COL5A2: variants seen among roughly 807,000 people sequenced by gnomAD.
The protein encoded by COL5A2 is collagen alpha-2(V) chain.
Under a neutral mutation model 208.2 loss-of-function variants are expected in COL5A2, and 23 were observed. That is an observed-to-expected ratio of 0.11 (90% confidence interval 0.08 to 0.16). The LOEUF (loss-of-function observed/expected upper bound fraction) is 0.16, where lower values mean the gene tolerates loss of function less well. COL5A2 is among the 10% of genes least tolerant of loss of function. The pLI is 1.00. For missense variants in COL5A2, 1,590 were observed against 1,956.4 expected (o/e 0.81, Z 3.53); for synonymous variants, 625 against 628.5 (o/e 0.99, Z 0.08).
At chr2:189,282,981 A>G in the COL5A2 span, among the ~76,000 whole-genome samples, 1 of 152,172 alleles carries the variant, frequency 6.6e-6, no homozygotes, top group Non-Finnish European at 1.5e-5. Context: ...AAAGACTACT[A>G]TTATACCCCG....
the COL5A2 span, among the ~76,000 whole-genome samples, chr2:189,420,876 T>C: frequency 2.0e-5 from 3 of 152,278 alleles, no homozygotes; most frequent in South Asian, 6.2e-4. Flanking sequence ...ACATTTCTGT[T>C]TCTTACAACC....
At chr2:189,210,901 C>T (rs551786545) in intron 1 of COL5A2, among the ~76,000 whole-genome samples, 12 of 152,286 alleles carry the variant, frequency 7.9e-5, no homozygotes, top group Admixed American at 2.0e-4. Flanking sequence ...GCCAAGTAAT[C>T]TGCAAACAAT....
chr2:189,039,330 T>G lies in COL5A2; in HGVS notation c.3867A>C (p.Lys1289Asn). The G allele has an allele frequency of 1.2e-6, 2 of 1,614,106 alleles. No individual in the cohort carries two copies. The highest frequency in any genetic ancestry group is 2.2e-5 in the South Asian group (2 of 91,076). ...CATCACACGTGCGGGCTGGGTGCTTTTTCGAGCCATCGGGGCTGCGCATGG... is the reference window on the plus strand; with the variant it reads ...CATCACACGTGCGGGCTGGGTGCTTGTTCGAGCCATCGGGGCTGCGCATGG... ...IETMRSPDGSKKHPARTCDDL... is the reference protein window; with the variant it reads ...IETMRSPDGSNKHPARTCDDL... The change falls in exon 51 of 54, where the codon AAA becomes AAC. Residue 1289 changes from lysine (K) to asparagine (N), a missense_variant. By Grantham distance (94) the Lys-to-Asn change is moderately conservative. Transcript: ENST00000374866.
chr2:189,127,223 G>T (rs1298890349), intron 1 of COL5A2, among the ~76,000 whole-genome samples: 1 of 152,038 alleles, frequency 6.6e-6, no homozygotes, highest in African/African-American at 2.4e-5. Context: ...AAATTGAGTG[G>T]TTAAAAAGGG....
chr2:189,355,352 G>A, the COL5A2 span, among the ~76,000 whole-genome samples: 7 of 152,116 alleles, frequency 4.6e-5, no homozygotes, highest in East Asian at 1.9e-4. Context: ...TTTCTGCCTC[G>A]TTGATCTGTC....
chr2:189,325,448 A>G, the COL5A2 span, among the ~76,000 whole-genome samples: 1 of 151,874 alleles, frequency 6.6e-6, no homozygotes, highest in East Asian at 1.9e-4. Flanking sequence ...TTTGAAAAGC[A>G]TAGCCATAAA....
chr2:189,038,930 T>C (rs1179988306), intron 51 of COL5A2, among the ~76,000 whole-genome samples: 1 of 151,944 alleles, frequency 6.6e-6, no homozygotes, highest in Non-Finnish European at 1.5e-5. Flanking sequence ...ACCTCATGAT[T>C]AGCCCACCTC....
At chr2:189,146,692 G>A (rs4667266) in intron 1 of COL5A2, among the ~76,000 whole-genome samples, 120,265 of 152,110 alleles carry the variant, frequency 0.79, 50,066 homozygotes, top group Non-Finnish European at 0.91. Context: ...AATGAACCAC[G>A]GGACGTCTGG....
the COL5A2 span, among the ~76,000 whole-genome samples, chr2:189,294,775 C>G: frequency 6.6e-6 from 1 of 152,046 alleles, no homozygotes; most frequent in Non-Finnish European, 1.5e-5. Context: ...ACATTTTTGG[C>G]CTCAATTAAC....
At chr2:189,049,252 T>TA in intron 44 of COL5A2, 95 bp downstream of exon 44, 1 of 856,666 alleles carries the variant, frequency 1.2e-6, no homozygotes, top group Non-Finnish European at 1.9e-6. Flanking sequence ...TAAGGTCAAA[T>TA]ATGCAATAAA....
intron 1 of COL5A2, among the ~76,000 whole-genome samples, chr2:189,171,575 G>A (rs529015828): frequency 3.3e-5 from 5 of 152,256 alleles, no homozygotes; most frequent in African/African-American, 9.6e-5. Flanking sequence ...CTGAATGACC[G>A]GGTAGCATCA....
In COL5A2 at chr2:189,063,181, T is replaced by C. The variant is rs773246252; in HGVS notation, c.1860A>G (p.Lys620=). The C allele has an allele frequency of 6.2e-7, 1 of 1,614,114 alleles. No individual in the cohort carries two copies. Among genetic ancestry groups the C allele is most frequent in the Non-Finnish European group, 8.5e-7 (1 of 1,179,948 alleles). The change falls in exon 27 of 54, where the codon AAA becomes AAG. Residue 620 remains lysine, a synonymous_variant. Coordinates refer to ENST00000374866, the MANE Select transcript of COL5A2 (RefSeq NM_000393.5). ...QPGSMGLPGP[K]GSSGDPGKPG... ...TATACACTGTACTCACACTGCTACC[T>C]TTGGGGCCTGGAAGGCCCATGCTCC...
the COL5A2 span, among the ~76,000 whole-genome samples, chr2:189,407,101 A>C: frequency 6.6e-6 from 1 of 152,152 alleles, no homozygotes; most frequent in Non-Finnish European, 1.5e-5. Context: ...TAGTGGCTGT[A>C]TCTCAGAAGG....
chr2:189,411,041 G>A, the COL5A2 span, among the ~76,000 whole-genome samples: 21,564 of 151,888 alleles, frequency 0.14, 1,957 homozygotes, highest in South Asian at 0.2. Flanking sequence ...TAAGAAAACC[G>A]TATCAGTGTT....
At chr2:189,040,601 C>G (rs1014929206) in intron 50 of COL5A2, among the ~76,000 whole-genome samples, 2 of 152,198 alleles carry the variant, frequency 1.3e-5, no homozygotes, top group East Asian at 3.8e-4. Flanking sequence ...TGGCTCCAGA[C>G]AAGTTGCTTT....
chr2:189,319,652 A>T, the COL5A2 span, among the ~76,000 whole-genome samples: 2 of 152,252 alleles, frequency 1.3e-5, no homozygotes, highest in African/African-American at 4.8e-5. Flanking sequence ...TTGAGTAGGT[A>T]AACAAAGCGA....
At chr2:189,259,047 C>T in the COL5A2 span, among the ~76,000 whole-genome samples, 1 of 152,142 alleles carries the variant, frequency 6.6e-6, no homozygotes. Context: ...TAATCTTGTA[C>T]TTCTTCTTCC....
At chr2:189,318,934 GT>G in the COL5A2 span, among the ~76,000 whole-genome samples, 1 of 152,078 alleles carries the variant, frequency 6.6e-6, no homozygotes, top group African/African-American at 2.4e-5. Context: ...ATTAAGCTTA[GT>G]TTATTATCAT....
At chr2:189,187,969 A>C (rs1576580255) in intron 1 of COL5A2, among the ~76,000 whole-genome samples, 1 of 14,230 alleles carries the variant, frequency 7.0e-5, no homozygotes, top group East Asian at 4.2e-3. Context: ...ACTCTGTCTC[A>C]AAAAAAAAAG....
Sources: gnomAD v4.1 joint callset for allele counts (sites outside exome capture counted in the v4.1 genomes callset) on GRCh38, gnomAD v4.1.1 for gene constraint, MANE v1.5 for transcripts, NCBI Gene and HGNC (gene_info 2026-07-23, HGNC 2026-07-21) for gene names.